Variants in MMP16 observed in about 807,000 individuals in gnomAD.
MMP16 encodes matrix metalloproteinase-16.
A neutral mutation model predicts 67.8 loss-of-function variants in MMP16; 12 were observed. That is an observed-to-expected ratio of 0.18 (90% CI 0.11 to 0.29). The LOEUF (loss-of-function observed/expected upper bound fraction) is 0.29. Ranked by LOEUF, MMP16 falls within the 10% of genes least tolerant of loss-of-function variation. The probability of loss-of-function intolerance (pLI) is 1.00; values close to 1 mark genes in which losing one functional copy is unlikely to be tolerated. For missense variants in MMP16, 475 were observed against 765.7 expected (o/e 0.62, Z 4.48); for synonymous variants, 249 against 255.9 (o/e 0.97, Z 0.26).
At chr8:88,274,875 A>G (rs1019016148) in intron 1 of MMP16, among the ~76,000 whole-genome samples, 5 of 152,050 alleles carry the variant, frequency 3.3e-5, no homozygotes, top group African/African-American at 4.8e-5. Context: ...AACCTGAAAA[A>G]GAAAAGTTCA....
intron 4 of MMP16, among the ~76,000 whole-genome samples, chr8:88,131,342 G>A (rs1808027100): frequency 6.6e-6 from 1 of 150,918 alleles, no homozygotes; most frequent in South Asian, 2.1e-4. Flanking sequence ...AGATATAAAT[G>A]TAATCTTATG....
At chr8:88,049,337 C>A (rs1808240771) in intron 8 of MMP16, among the ~76,000 whole-genome samples, 1 of 152,158 alleles carries the variant, frequency 6.6e-6, no homozygotes, top group Non-Finnish European at 1.5e-5. Context: ...AATTAAACAT[C>A]ATTTCTGAAT....
At chr8:88,066,112 G>T (rs1483077960) in intron 7 of MMP16, among the ~76,000 whole-genome samples, 1 of 152,064 alleles carries the variant, frequency 6.6e-6, no homozygotes, top group East Asian at 1.9e-4. Context: ...CAACCTTTCA[G>T]CTACTTGATT....
chr8:88,228,963 C>T (rs997686601), intron 1 of MMP16, among the ~76,000 whole-genome samples: 8 of 151,690 alleles, frequency 5.3e-5, no homozygotes, highest in African/African-American at 1.9e-4. Flanking sequence ...GAGTTGAAGA[C>T]CAACCTGGGC....
At chr8:88,153,468 C>T (rs1168385530) in intron 4 of MMP16, among the ~76,000 whole-genome samples, 3 of 152,184 alleles carry the variant, frequency 2.0e-5, no homozygotes, top group African/African-American at 4.8e-5. Context: ...TCAAACTATA[C>T]TACAAGGCTA....
At chr8:88,182,065 T>C (rs72675163) in intron 3 of MMP16, among the ~76,000 whole-genome samples, 4,808 of 152,032 alleles carry the variant, frequency 0.032, 96 homozygotes, top group Middle Eastern at 0.051. Flanking sequence ...GAATACAACA[T>C]AAGAGAAAAT....
chr8:88,045,968 A>C (rs1382646403), intron 9 of MMP16, among the ~76,000 whole-genome samples: 1 of 152,184 alleles, frequency 6.6e-6, no homozygotes, highest in Non-Finnish European at 1.5e-5. Context: ...ATTGCATATA[A>C]ATTCAATTTC....
At chr8:88,307,996 G>A (rs1340858231) in intron 1 of MMP16, among the ~76,000 whole-genome samples, 2 of 151,968 alleles carry the variant, frequency 1.3e-5, no homozygotes, top group Admixed American at 6.6e-5. Context: ...ACTACTGAAG[G>A]GAAGAAGCAG....
At chr8:88,131,997 G>T (rs1808038319) in intron 4 of MMP16, among the ~76,000 whole-genome samples, 1 of 151,862 alleles carries the variant, frequency 6.6e-6, no homozygotes. Context: ...GTCTTCTGCA[G>T]AGGTAGAATT....
intron 6 of MMP16, among the ~76,000 whole-genome samples, chr8:88,075,400 A>G (rs962981691): frequency 3.9e-5 from 6 of 152,144 alleles, no homozygotes; most frequent in Admixed American, 3.3e-4. Flanking sequence ...TTTTATATGA[A>G]AAGTGTCTAT....
intron 1 of MMP16, among the ~76,000 whole-genome samples, chr8:88,264,799 T>A (rs1052424836): frequency 7.2e-5 from 11 of 152,354 alleles, no homozygotes; most frequent in Non-Finnish European, 1.3e-4. Flanking sequence ...GATAGCTAAG[T>A]ACTATTATAA....
At chr8:88,136,058 A>T (rs1013624740) in intron 4 of MMP16, among the ~76,000 whole-genome samples, 1 of 151,936 alleles carries the variant, frequency 6.6e-6, no homozygotes, top group East Asian at 1.9e-4. Context: ...GAAATCTTGA[A>T]GAAGAGTAAC....
intron 4 of MMP16, among the ~76,000 whole-genome samples, chr8:88,167,094 C>G (rs1211484984): frequency 6.6e-6 from 1 of 151,976 alleles, no homozygotes; most frequent in Non-Finnish European, 1.5e-5. Context: ...CACTTGTAAT[C>G]CCAGCTACTC....
intron 1 of MMP16, among the ~76,000 whole-genome samples, chr8:88,248,224 G>T (rs1209880423): frequency 1.3e-5 from 2 of 151,960 alleles, no homozygotes; most frequent in Non-Finnish European, 1.5e-5. Flanking sequence ...GATGCAAGCA[G>T]AACAAATAGT....
intron 1 of MMP16, among the ~76,000 whole-genome samples, chr8:88,256,379 G>A (rs750772287): frequency 2.6e-5 from 4 of 151,948 alleles, no homozygotes; most frequent in Admixed American, 6.6e-5. Context: ...TGGTCAAATC[G>A]ACTTCACACA....
In MMP16 at chr8:88,034,706, A is replaced by G. The variant is rs1382198250; in HGVS notation, c.*6755T>C. 6.6e-6 allele frequency: 1 copy of G among 152,036 alleles called. No homozygotes were observed. Among genetic ancestry groups the G allele is most frequent in the Non-Finnish European group, 1.5e-5 (1 of 67,970 alleles). The allele number at this position is 152,036 out of a possible 1,614,324, so 9.4% of individuals were successfully genotyped here. A position where few individuals can be genotyped will look rare whatever the true frequency, so the allele number is the denominator to read the frequency against. On this transcript the variant is annotated 3_prime_UTR_variant, in exon 10 of 10. Transcript: ENST00000286614. ...ATTTTATCTTAACAATTGGATTGTT[A>G]ATATATAGAGGAAACAGGTTCAAAT...
intron 1 of MMP16, among the ~76,000 whole-genome samples, chr8:88,197,657 CT>C (rs1358724707): frequency 6.6e-6 from 1 of 152,078 alleles, no homozygotes; most frequent in Non-Finnish European, 1.5e-5. Flanking sequence ...ATGAAGGATG[CT>C]TTTTCAACAG....
intron 4 of MMP16, among the ~76,000 whole-genome samples, chr8:88,161,681 G>A (rs1403739267): frequency 2.0e-5 from 3 of 151,782 alleles, no homozygotes; most frequent in African/African-American, 7.3e-5. Flanking sequence ...TTTCTCTCGT[G>A]GGCATGTAGT....
chr8:88,062,402 C>G (rs1400148426), intron 7 of MMP16, among the ~76,000 whole-genome samples: 1 of 152,062 alleles, frequency 6.6e-6, no homozygotes, highest in Non-Finnish European at 1.5e-5. Flanking sequence ...GACTTGGAAC[C>G]AACCCAAATG....
Sources: gnomAD v4.1 joint callset for allele counts (sites outside exome capture counted in the v4.1 genomes callset) on GRCh38, gnomAD v4.1.1 for gene constraint, MANE v1.5 for transcripts, NCBI Gene and HGNC (gene_info 2026-07-23, HGNC 2026-07-21) for gene names.